ASCC1: variants seen among roughly 807,000 people sequenced by gnomAD.
ASCC1 encodes the protein activating signal cointegrator 1 complex subunit 1.
In ASCC1, 35 loss-of-function variants were observed where a neutral mutation model predicts 46.6. That is an observed-to-expected ratio of 0.75 (90% confidence interval 0.57 to 0.99). The LOEUF is 0.99. Among genes scored for constraint, ASCC1 ranks in the 50% least tolerant of loss-of-function variants. The pLI, the probability that ASCC1 is intolerant of heterozygous loss-of-function variation, is 0.00. For missense variants in ASCC1, 376 were observed against 428.7 expected, an observed-to-expected ratio of 0.88 and a Z score of 1.09; for synonymous variants, 143 against 146.6, an observed-to-expected ratio of 0.98 and a Z score of 0.18.
At chr10:72,188,121 CTTTTTTTTTTT>C (rs1169395541) in intron 5 of ASCC1, among the ~76,000 whole-genome samples, 3 of 124,448 alleles carry the variant, frequency 2.4e-5, no homozygotes, top group African/African-American at 9.1e-5. Context: ...AATACTTCTT[CTTTTTTTTTTT>C]TTTTTTTTTT....
intron 5 of ASCC1, among the ~76,000 whole-genome samples, chr10:72,165,630 G>A (rs117208049): frequency 0.012 from 1,843 of 152,270 alleles, 20 homozygotes; most frequent in Non-Finnish European, 0.018. Context: ...TTGACTCTTC[G>A]TTTTCTAAGT....
At chr10:72,168,442 T>C (rs1401866318) in intron 5 of ASCC1, among the ~76,000 whole-genome samples, 2 of 152,218 alleles carry the variant, frequency 1.3e-5, no homozygotes, top group East Asian at 1.9e-4. Context: ...GGAGAGGCTG[T>C]AGGGACACAG....
Position 72,096,759 on chromosome 10 carries a change from C to T in ASCC1, c.*575G>A, listed in dbSNP as rs1418544294. On this transcript the variant is annotated 3_prime_UTR_variant, in exon 10 of 10. Coordinates refer to ENST00000672957, the MANE Select transcript of ASCC1 (RefSeq NM_001198800.3). The stretch of plus-strand genomic sequence containing the variant: ...AGGAAGGAAATCCTGTCACCTGACA[C>T]AACATGGATGAACCTTGAGGACATT... The T allele has an allele frequency of 6.6e-6, 3 of 453,962 alleles. No homozygotes were observed. The highest frequency in any genetic ancestry group is 6.0e-5 in the African/African-American group (3 of 49,990). The allele number at this position is 453,962 out of a possible 1,614,324, so 28.1% of individuals were successfully genotyped here.
intron 5 of ASCC1, among the ~76,000 whole-genome samples, chr10:72,191,455 G>A: frequency 6.6e-6 from 1 of 151,448 alleles, no homozygotes; most frequent in South Asian, 2.1e-4. Context: ...ATACTATGTG[G>A]TATAATAGGT....
chr10:72,214,363 ATC>A (rs778347296), intron 1 of ASCC1, among the ~76,000 whole-genome samples: 11 of 139,888 alleles, frequency 7.9e-5, no homozygotes, highest in South Asian at 2.2e-4. Context: ...TTTGCACAAT[ATC>A]TCTTTTTTTT....
chr10:72,132,622 A>G (rs2132292248), intron 8 of ASCC1, among the ~76,000 whole-genome samples: 1 of 152,152 alleles, frequency 6.6e-6, no homozygotes, highest in African/African-American at 2.4e-5. Context: ...ATAACCAAAA[A>G]TGTCTCCAGA....
At chr10:72,099,181 A>C (rs1257379353) in intron 9 of ASCC1, among the ~76,000 whole-genome samples, 1 of 152,208 alleles carries the variant, frequency 6.6e-6, no homozygotes, top group East Asian at 1.9e-4. Flanking sequence ...GGCCACAGTG[A>C]GAAGCTGCAA....
chr10:72,191,788 A>AT (rs1854545418), intron 5 of ASCC1, among the ~76,000 whole-genome samples: 1 of 151,926 alleles, frequency 6.6e-6, no homozygotes, highest in South Asian at 2.1e-4. Context: ...CTGGGATTAC[A>AT]GGTGCCCGCC....
chr10:72,155,290 T>C (rs1482640972), intron 6 of ASCC1, among the ~76,000 whole-genome samples: 1 of 152,162 alleles, frequency 6.6e-6, no homozygotes, highest in Non-Finnish European at 1.5e-5. Context: ...TTAAAAAATA[T>C]CCAAAATAAA....
chr10:72,187,081 A>C (rs1283688019), intron 5 of ASCC1, among the ~76,000 whole-genome samples: 1 of 152,134 alleles, frequency 6.6e-6, no homozygotes, highest in Non-Finnish European at 1.5e-5. Flanking sequence ...TAATTTCAAA[A>C]CTTAGCCCCT....
intron 9 of ASCC1, among the ~76,000 whole-genome samples, chr10:72,108,767 G>A (rs1842622283): frequency 6.6e-6 from 1 of 152,116 alleles, no homozygotes; most frequent in Non-Finnish European, 1.5e-5. Context: ...ATGAAATTTT[G>A]AGCTCTGATT....
intron 9 of ASCC1, among the ~76,000 whole-genome samples, chr10:72,118,228 G>T (rs1008617699): frequency 1.3e-5 from 2 of 151,868 alleles, no homozygotes; most frequent in African/African-American, 2.4e-5. Flanking sequence ...CTAGTCGGGG[G>T]TGGTGGCACA....
chr10:72,161,039 C>T (rs1483886957), intron 6 of ASCC1, among the ~76,000 whole-genome samples: 3 of 151,816 alleles, frequency 2.0e-5, no homozygotes, highest in South Asian at 2.1e-4. Context: ...GCCGAGATTG[C>T]GCCACTGCAC....
At chr10:72,118,999 G>A (rs1589226791) in intron 9 of ASCC1, among the ~76,000 whole-genome samples, 1 of 152,088 alleles carries the variant, frequency 6.6e-6, no homozygotes, top group African/African-American at 2.4e-5. Context: ...GACTGAGGTC[G>A]GGGACAAATT....
At chr10:72,173,016 T>A (rs1851434595) in intron 5 of ASCC1, among the ~76,000 whole-genome samples, 1 of 143,906 alleles carries the variant, frequency 6.9e-6, no homozygotes. Context: ...TTATATTTTT[T>A]TATATATAAA....
intron 6 of ASCC1, among the ~76,000 whole-genome samples, chr10:72,156,675 G>C (rs1313718376): frequency 1.3e-5 from 2 of 151,928 alleles, no homozygotes; most frequent in Non-Finnish European, 2.9e-5. Context: ...AGGAGGCTGA[G>C]GCAGGAGAAT....
chr10:72,128,010 G>A, intron 9 of ASCC1, 72 bp downstream of exon 9: 1 of 1,139,230 alleles, frequency 8.8e-7, no homozygotes, highest in Non-Finnish European at 1.3e-6. Flanking sequence ...AATATACGGA[G>A]AACTACTTGT....
intron 1 of ASCC1, among the ~76,000 whole-genome samples, chr10:72,213,727 T>C (rs1242359249): frequency 6.6e-6 from 1 of 151,108 alleles, no homozygotes; most frequent in Non-Finnish European, 1.5e-5. Context: ...ATGAACATAG[T>C]GAGACCTCGT....
At chr10:72,188,766 T>C (rs1011258602) in intron 5 of ASCC1, among the ~76,000 whole-genome samples, 1 of 152,152 alleles carries the variant, frequency 6.6e-6, no homozygotes, top group African/African-American at 2.4e-5. Flanking sequence ...TTATGTCATC[T>C]CATATATTTA....
Sources: gnomAD v4.1 joint callset for allele counts (sites outside exome capture counted in the v4.1 genomes callset) on GRCh38, gnomAD v4.1.1 for gene constraint, MANE v1.5 for transcripts, NCBI Gene and HGNC (gene_info 2026-07-23, HGNC 2026-07-21) for gene names.